The following DDAH1 variants were observed in gnomAD, a reference collection of about 807,000 sequenced individuals.
The protein encoded by DDAH1 is dimethylarginine dimethylaminohydrolase 1, also known as N(G),N(G)-dimethylarginine dimethylaminohydrolase 1.
A neutral mutation model predicts 28.8 loss-of-function variants in DDAH1; 19 were observed. That is an observed-to-expected ratio of 0.66 (90% CI 0.46 to 0.97). The LOEUF (loss-of-function observed/expected upper bound fraction) is 0.97. DDAH1 is among the 50% of genes least tolerant of loss of function. DDAH1 has a pLI of 0.00. For synonymous variants in DDAH1, 153 were observed against 154.4 expected (o/e 0.99, Z 0.07); for missense variants, 326 against 375.9 (o/e 0.87, Z 1.10).
chr1:85,389,167 C>A (rs1201316254), intron 1 of DDAH1, among the ~76,000 whole-genome samples: 2 of 151,962 alleles, frequency 1.3e-5, no homozygotes, highest in East Asian at 3.9e-4. Flanking sequence ...TAAAGTGAGA[C>A]CCTGTCTCTA....
intron 2 of DDAH1, among the ~76,000 whole-genome samples, chr1:85,480,857 C>A (rs921721971): frequency 7.3e-5 from 11 of 151,534 alleles, no homozygotes; most frequent in African/African-American, 2.4e-4. Context: ...ATATCCATAC[C>A]TGTGGGATAT....
At chr1:85,523,587 C>A (rs1657763459) in intron 1 of DDAH1, among the ~76,000 whole-genome samples, 1 of 151,940 alleles carries the variant, frequency 6.6e-6, no homozygotes, top group African/African-American at 2.4e-5. Flanking sequence ...AGAGCCTGGC[C>A]TGGAGCAAGG....
At chr1:85,445,808 C>G (rs1307603815) in intron 1 of DDAH1, among the ~76,000 whole-genome samples, 2 of 152,052 alleles carry the variant, frequency 1.3e-5, no homozygotes, top group African/African-American at 4.8e-5. Flanking sequence ...TTCATGTTGC[C>G]TAGGCTGGTC....
chr1:85,443,384 A>G (rs1264362570), intron 1 of DDAH1, among the ~76,000 whole-genome samples: 1 of 152,112 alleles, frequency 6.6e-6, no homozygotes, highest in African/African-American at 2.4e-5. Flanking sequence ...CCATTGGTCT[A>G]TATCTCTGTT....
At chr1:85,474,038 C>T (rs752614918) in intron 2 of DDAH1, among the ~76,000 whole-genome samples, 2 of 152,202 alleles carry the variant, frequency 1.3e-5, no homozygotes, top group Non-Finnish European at 2.9e-5. Context: ...CAGGATTGCT[C>T]CTTCCAATCC....
At chr1:85,364,890 A>T (rs1391908504) in intron 1 of DDAH1, among the ~76,000 whole-genome samples, 1 of 152,178 alleles carries the variant, frequency 6.6e-6, no homozygotes, top group Non-Finnish European at 1.5e-5. Flanking sequence ...ACAAAAAGGG[A>T]TCGAACAGAC....
chr1:85,555,195 G>T (rs779260388), intron 1 of DDAH1, among the ~76,000 whole-genome samples: 2 of 152,236 alleles, frequency 1.3e-5, no homozygotes, highest in Non-Finnish European at 2.9e-5. Flanking sequence ...TGAACAAAAA[G>T]AAAGAAACCT....
chr1:85,450,155 C>T (rs1654605035), intron 1 of DDAH1, among the ~76,000 whole-genome samples: 1 of 152,106 alleles, frequency 6.6e-6, no homozygotes, highest in Admixed American at 6.5e-5. Context: ...TTTAATTACA[C>T]ATATATTTGC....
intron 4 of DDAH1, among the ~76,000 whole-genome samples, chr1:85,345,525 G>A (rs1648791126): frequency 6.6e-6 from 1 of 152,078 alleles, no homozygotes; most frequent in African/African-American, 2.4e-5. Flanking sequence ...CCATATGGAT[G>A]GTAAAATGCA....
At chr1:85,476,908 A>G (rs1655823754) in intron 2 of DDAH1, among the ~76,000 whole-genome samples, 1 of 152,208 alleles carries the variant, frequency 6.6e-6, no homozygotes, top group Non-Finnish European at 1.5e-5. Flanking sequence ...AGCACTAGTC[A>G]CTGACTAGTA....
intron 2 of DDAH1, among the ~76,000 whole-genome samples, chr1:85,352,515 G>A (rs1649275050): frequency 1.3e-5 from 2 of 152,166 alleles, no homozygotes; most frequent in Admixed American, 1.3e-4. Context: ...ATTGTTTTGA[G>A]CTGTATGGTG....
At chr1:85,425,209 T>TTTTA (rs1653339184) in intron 1 of DDAH1, among the ~76,000 whole-genome samples, 1 of 152,160 alleles carries the variant, frequency 6.6e-6, no homozygotes, top group African/African-American at 2.4e-5. Flanking sequence ...AGGACTGTAG[T>TTTTA]TTTAGACTTG....
At chr1:85,486,790 G>A (rs778631297) in intron 2 of DDAH1, among the ~76,000 whole-genome samples, 11 of 152,286 alleles carry the variant, frequency 7.2e-5, no homozygotes, top group Middle Eastern at 6.8e-3. Flanking sequence ...CAATGAAAAT[G>A]GCATTTAAAA....
chr1:85,329,403 G>C (rs1484702055), intron 4 of DDAH1, among the ~76,000 whole-genome samples: 6 of 152,166 alleles, frequency 3.9e-5, no homozygotes, highest in Admixed American at 3.9e-4. Context: ...TTACTGGCAT[G>C]TATTTGAAAT....
intron 1 of DDAH1, among the ~76,000 whole-genome samples, chr1:85,418,596 T>C (rs1652989844): frequency 6.6e-6 from 1 of 152,230 alleles, no homozygotes; most frequent in Non-Finnish European, 1.5e-5. Flanking sequence ...ACTTTTCAGT[T>C]AAATGCTCGT....
chr1:85,503,404 T>C (rs1313464099), intron 1 of DDAH1, among the ~76,000 whole-genome samples: 1 of 152,160 alleles, frequency 6.6e-6, no homozygotes, highest in East Asian at 1.9e-4. Flanking sequence ...TTTCACCATG[T>C]TAGCCAGGCT....
At chr1:85,366,332 T>C (rs1175568465) in intron 1 of DDAH1, among the ~76,000 whole-genome samples, 1 of 152,200 alleles carries the variant, frequency 6.6e-6, no homozygotes, top group Non-Finnish European at 1.5e-5. Context: ...TTGTTATAAC[T>C]TTTACATGAA....
intron 4 of DDAH1, among the ~76,000 whole-genome samples, chr1:85,343,957 A>G (rs1648674955): frequency 6.6e-6 from 1 of 152,258 alleles, no homozygotes; most frequent in Non-Finnish European, 1.5e-5. Flanking sequence ...GTGCTATGCA[A>G]TTTAAATGAG....
intron 1 of DDAH1, among the ~76,000 whole-genome samples, chr1:85,525,510 C>T (rs1456646757): frequency 2.6e-5 from 4 of 151,908 alleles, no homozygotes; most frequent in Admixed American, 1.3e-4. Flanking sequence ...ATTTTTACCA[C>T]ATCACTTAAC....
Sources: allele counts gnomAD v4.1 joint callset (sites outside exome capture counted in the v4.1 genomes callset), GRCh38; gene constraint gnomAD v4.1.1; transcripts MANE v1.5; gene names NCBI Gene and HGNC (gene_info 2026-07-23, HGNC 2026-07-21).